LRRC3B: variants seen among roughly 807,000 people sequenced by gnomAD.
LRRC3B encodes the protein leucine rich repeat containing 3B.
Under a neutral mutation model 12.8 loss-of-function variants are expected in LRRC3B, and 2 were observed. The observed-to-expected ratio is 0.16, with a 90% confidence interval of 0.06 to 0.49. The LOEUF (loss-of-function observed/expected upper bound fraction) is 0.49. LRRC3B is among the 20% of genes least tolerant of loss of function. The pLI, the probability that LRRC3B is intolerant of heterozygous loss-of-function variation, is 0.96. For synonymous variants in LRRC3B, 132 were observed against 122.0 expected (o/e 1.08, Z -0.54); for missense variants, 189 against 319.4 (o/e 0.59, Z 3.11).
chr3:26,627,344 G>A (rs916620575), intron 1 of LRRC3B, among the ~76,000 whole-genome samples: 25 of 152,206 alleles, frequency 1.6e-4, no homozygotes, highest in Admixed American at 5.2e-4. Flanking sequence ...TCAGATCAGC[G>A]GGGCAAGAGT....
chr3:26,665,643 A>C (rs2125426449), intron 1 of LRRC3B, among the ~76,000 whole-genome samples: 1 of 152,324 alleles, frequency 6.6e-6, no homozygotes, highest in East Asian at 1.9e-4. Flanking sequence ...TAAATAACCA[A>C]GAAAAGACCT....
intron 1 of LRRC3B, among the ~76,000 whole-genome samples, chr3:26,703,870 T>G (rs1273757630): frequency 6.6e-6 from 1 of 152,104 alleles, no homozygotes; most frequent in Non-Finnish European, 1.5e-5. Context: ...TTTCATGCAC[T>G]GAATAGTTGC....
At chr3:26,694,208 T>C (rs1400249217) in intron 1 of LRRC3B, among the ~76,000 whole-genome samples, 1 of 152,232 alleles carries the variant, frequency 6.6e-6, no homozygotes, top group Non-Finnish European at 1.5e-5. Flanking sequence ...TGCATTTCAA[T>C]CTGAATGTAT....
intron 1 of LRRC3B, among the ~76,000 whole-genome samples, chr3:26,638,288 T>C (rs1698945312): frequency 1.3e-5 from 2 of 152,174 alleles, no homozygotes; most frequent in Non-Finnish European, 2.9e-5. Context: ...AGAAAACATA[T>C]TGTCATATGA....
intron 1 of LRRC3B, among the ~76,000 whole-genome samples, chr3:26,695,265 C>T (rs1034547621): frequency 1.4e-4 from 21 of 152,172 alleles, no homozygotes; most frequent in Admixed American, 1.2e-3. Context: ...TGGTGGCTCA[C>T]GCCTGTAATC....
intron 1 of LRRC3B, among the ~76,000 whole-genome samples, chr3:26,654,389 A>G (rs1037965886): frequency 6.6e-6 from 1 of 152,188 alleles, no homozygotes; most frequent in African/African-American, 2.4e-5. Flanking sequence ...ATTGCACTAT[A>G]TATAAATTAA....
intron 1 of LRRC3B, among the ~76,000 whole-genome samples, chr3:26,686,241 G>T (rs924800120): frequency 6.6e-6 from 1 of 151,990 alleles, no homozygotes. Context: ...CACCACGCCC[G>T]GCTAATTTTT....
chr3:26,687,511 T>C (rs1395400076), intron 1 of LRRC3B, among the ~76,000 whole-genome samples: 3 of 152,234 alleles, frequency 2.0e-5, no homozygotes, highest in Non-Finnish European at 4.4e-5. Context: ...GAGCATATAA[T>C]TGCTTTTTCT....
intron 1 of LRRC3B, among the ~76,000 whole-genome samples, chr3:26,628,845 TAAAAA>T (rs5847410): frequency 7.3e-6 from 1 of 137,042 alleles, no homozygotes; most frequent in Non-Finnish European, 1.6e-5. Flanking sequence ...GAGTAAATAC[TAAAAA>T]AAAAAAAAAA....
At chr3:26,709,613 C>G (rs1376256963) in exon 2 of LRRC3B, 50 of 1,552,252 alleles carry the variant, frequency 3.2e-5, no homozygotes, top group Non-Finnish European at 4.2e-5. Flanking sequence ...GGGCTGGAAC[C>G]TTTACCACGC....
chr3:26,636,468 C>G (rs549420211), intron 1 of LRRC3B, among the ~76,000 whole-genome samples: 3 of 152,300 alleles, frequency 2.0e-5, no homozygotes, highest in African/African-American at 7.2e-5. Context: ...CATCTTTATT[C>G]ATATCTGGAT....
intron 1 of LRRC3B, among the ~76,000 whole-genome samples, chr3:26,659,625 AT>A (rs1486164268): frequency 6.6e-6 from 1 of 152,086 alleles, no homozygotes; most frequent in East Asian, 1.9e-4. Flanking sequence ...CTATTTCTAT[AT>A]TTTTCCTACT....
At chr3:26,624,305 T>C (rs1296902341) in intron 1 of LRRC3B, 2 of 152,572 alleles carry the variant, frequency 1.3e-5, no homozygotes, top group Non-Finnish European at 2.9e-5. Context: ...GACCATAGTC[T>C]GCTCTCTTCT....
chr3:26,666,259 T>C (rs911625663), intron 1 of LRRC3B, among the ~76,000 whole-genome samples: 1 of 152,028 alleles, frequency 6.6e-6, no homozygotes, highest in African/African-American at 2.4e-5. Flanking sequence ...TGAAGACAAA[T>C]AGATTATTAA....
chr3:26,669,433 C>T (rs149093527), intron 1 of LRRC3B, among the ~76,000 whole-genome samples: 2 of 152,242 alleles, frequency 1.3e-5, no homozygotes, highest in East Asian at 3.9e-4. Context: ...TTACTAGATC[C>T]AGTAAATGAA....
At chr3:26,677,318 C>A (rs1471180807) in intron 1 of LRRC3B, among the ~76,000 whole-genome samples, 1 of 152,192 alleles carries the variant, frequency 6.6e-6, no homozygotes, top group Admixed American at 6.5e-5. Context: ...TGGTGTACTT[C>A]CCATAAACTG....
At chr3:26,704,448 TTTTACTGACAG>T (rs1436736225) in intron 1 of LRRC3B, among the ~76,000 whole-genome samples, 3 of 152,200 alleles carry the variant, frequency 2.0e-5, no homozygotes, top group Non-Finnish European at 2.9e-5. Context: ...CCTGAATTTA[TTTTACTGACAG>T]TGAGATCAAG....
chr3:26,635,109 C>A (rs758045402), intron 1 of LRRC3B, among the ~76,000 whole-genome samples: 1 of 152,184 alleles, frequency 6.6e-6, no homozygotes, highest in Admixed American at 6.5e-5. Context: ...GCTTCTGGAA[C>A]TGACCTGAGC....
intron 1 of LRRC3B, among the ~76,000 whole-genome samples, chr3:26,704,564 CTTTTTA>C (rs1700536773): frequency 6.6e-6 from 1 of 151,100 alleles, no homozygotes; most frequent in African/African-American, 2.4e-5. Context: ...TTTTTTTCTT[CTTTTTA>C]TTTTTATTTT....
Sources: gnomAD v4.1 joint callset for allele counts (sites outside exome capture counted in the v4.1 genomes callset) on GRCh38, gnomAD v4.1.1 for gene constraint, MANE v1.5 for transcripts, NCBI Gene and HGNC (gene_info 2026-07-23, HGNC 2026-07-21) for gene names.